Variants in ATP8A1 observed in about 807,000 individuals in gnomAD.
The protein encoded by ATP8A1 is phospholipid-transporting ATPase IA.
In ATP8A1, 90 loss-of-function variants were observed where a neutral mutation model predicts 177.7. The observed-to-expected ratio is 0.51, with a 90% CI of 0.43 to 0.60. ATP8A1 has a LOEUF of 0.60. ATP8A1 is among the 20% of genes least tolerant of loss of function. The pLI is 0.00. For missense variants in ATP8A1, 1,072 were observed against 1,392.8 expected (o/e 0.77, Z 3.67); for synonymous variants, 493 against 485.9 (o/e 1.01, Z -0.19).
intron 16 of ATP8A1, among the ~76,000 whole-genome samples, chr4:42,554,429 A>T (rs780578313): frequency 2.3e-4 from 35 of 152,222 alleles, no homozygotes; most frequent in Non-Finnish European, 3.5e-4. Flanking sequence ...AAAGCTGAGA[A>T]TCCAAGAGGG....
At chr4:42,462,872 C>T (rs758368123) in intron 27 of ATP8A1, among the ~76,000 whole-genome samples, 2 of 152,176 alleles carry the variant, frequency 1.3e-5, no homozygotes, top group South Asian at 2.1e-4. Flanking sequence ...GGATGTGAGA[C>T]GTGGAGTCAA....
Position 42,626,991 on chromosome 4 carries a change from T to C in ATP8A1, c.164+4A>G, listed in dbSNP as rs1439748823. The C allele has an allele frequency of 6.2e-7, 1 of 1,611,250 alleles. No individual in the cohort carries two copies. Among genetic ancestry groups the C allele is most frequent in the African/African-American group, 1.3e-5 (1 of 74,870 alleles). ...GTCTCATGGCATTCTTTGGTAGTTC[T>C]TACCTGACATGGTTATTGCAGAATT... On this transcript the variant is annotated splice_donor_region_variant and intron_variant, in intron 2 of 36. Transcript: ENST00000381668.
intron 1 of ATP8A1, among the ~76,000 whole-genome samples, chr4:42,648,244 A>C (rs1740738660): frequency 6.6e-6 from 1 of 152,162 alleles, no homozygotes; most frequent in South Asian, 2.1e-4. Context: ...AAAACCCAGA[A>C]AAACCTAGAG....
intron 25 of ATP8A1, among the ~76,000 whole-genome samples, chr4:42,481,077 T>G (rs1306329298): frequency 2.6e-5 from 4 of 152,170 alleles, no homozygotes; most frequent in Non-Finnish European, 5.9e-5. Context: ...GATGAGGACC[T>G]CAGAAACCAC....
intron 24 of ATP8A1, among the ~76,000 whole-genome samples, chr4:42,495,326 G>A (rs1723154696): frequency 6.6e-6 from 1 of 152,120 alleles, no homozygotes; most frequent in Admixed American, 6.5e-5. Flanking sequence ...AATAACATAT[G>A]GATAAACCAT....
At chr4:42,421,845 T>C (rs141904671) in intron 35 of ATP8A1, among the ~76,000 whole-genome samples, 1 of 152,184 alleles carries the variant, frequency 6.6e-6, no homozygotes, top group African/African-American at 2.4e-5. Flanking sequence ...ATCTTAATAA[T>C]TGTCTTTTAT....
intron 1 of ATP8A1, among the ~76,000 whole-genome samples, chr4:42,653,145 T>C (rs761322091): frequency 6.0e-4 from 91 of 152,354 alleles, no homozygotes; most frequent in Non-Finnish European, 1.1e-3. Context: ...GCATTTGCTC[T>C]GGCTGGAACA....
intron 5 of ATP8A1, among the ~76,000 whole-genome samples, chr4:42,613,566 AT>A (rs111595720): frequency 6.6e-6 from 1 of 151,268 alleles, no homozygotes; most frequent in Non-Finnish European, 1.5e-5. Context: ...TTAAACTTGT[AT>A]TTTTTTTTAT....
At chr4:42,415,352 T>C (rs1265013433) in intron 35 of ATP8A1, among the ~76,000 whole-genome samples, 4 of 152,192 alleles carry the variant, frequency 2.6e-5, no homozygotes, top group Non-Finnish European at 5.9e-5. Flanking sequence ...ACAAGGAAAG[T>C]ATTTTTCAGG....
chr4:42,613,447 G>A (rs891712003), intron 5 of ATP8A1, among the ~76,000 whole-genome samples: 9 of 152,030 alleles, frequency 5.9e-5, no homozygotes, highest in African/African-American at 1.7e-4. Context: ...TATAACCTAT[G>A]CATGTCCTTT....
chr4:42,505,488 T>C (rs988012832), intron 23 of ATP8A1, among the ~76,000 whole-genome samples: 10 of 152,246 alleles, frequency 6.6e-5, no homozygotes, highest in African/African-American at 1.9e-4. Flanking sequence ...AATTTCAATA[T>C]GTTCTGCATT....
At chr4:42,479,575 T>C (rs982595777) in intron 25 of ATP8A1, among the ~76,000 whole-genome samples, 23 of 152,144 alleles carry the variant, frequency 1.5e-4, no homozygotes, top group African/African-American at 5.6e-4. Context: ...ATTAGGCAGA[T>C]TTGTATTTCA....
chr4:42,590,994 A>C lies in ATP8A1; in HGVS notation c.451-110T>G, dbSNP rs1233065612. 4 of 954,792 alleles carry C rather than the reference A, an allele frequency of 4.2e-6. No homozygotes were observed. The East Asian group carries it at 1.0e-4, about 25-fold the overall frequency. The allele number at this position is 954,792 out of a possible 1,614,324, so 59.1% of individuals were successfully genotyped here. A position where few individuals can be genotyped will look rare whatever the true frequency, so the allele number is the denominator to read the frequency against. On this transcript the variant is annotated intron_variant, in intron 6 of 36. Coordinates refer to ENST00000381668, the MANE Select transcript of ATP8A1 (RefSeq NM_006095.2). ...CAGAAAGTTCGAAATTATTATAGAA[A>C]ATAATACATGTTAATAAAAACATCT...
Position 42,507,780 on chromosome 4 carries a change from T to TAAAAAAAAAAAAA in ATP8A1, c.1948-639_1948-627dup. Among the ~76,000 whole-genome samples, 17 of 17,700 alleles carry TAAAAAAAAAAAAA rather than the reference T, an allele frequency of 9.6e-4. 1 individual carries two copies. Among genetic ancestry groups the TAAAAAAAAAAAAA allele is most frequent in the East Asian group, 3.4e-3 (1 of 292 alleles). The allele number at this position is 17,700 out of a possible 152,430, so 11.6% of individuals were successfully genotyped here. ...AGTCAGTTAAAAAGGACAGGCATTCTAAAAAAAAAAAAAAAAAAAAAAAAA... is the reference window on the plus strand; with the variant it reads ...AGTCAGTTAAAAAGGACAGGCATTCTAAAAAAAAAAAAAAAAAAAAAAAAAAAAAAAAAAAAAA... On this transcript the variant is annotated intron_variant, in intron 22 of 36. Coordinates refer to ENST00000381668, the MANE Select transcript of ATP8A1 (RefSeq NM_006095.2).
At chr4:42,461,365 G>A (rs1719132357) in intron 27 of ATP8A1, among the ~76,000 whole-genome samples, 1 of 151,864 alleles carries the variant, frequency 6.6e-6, no homozygotes. Context: ...TGTTGTGGGA[G>A]GGACTGGTGG....
rs1385315289 is a variant in ATP8A1 at position 42,635,772 on chromosome 4, C to T, written c.50-8663G>A. ...ATATATATACACACACACACACACA[C>T]ACACACACACATATATATATATATA... On this transcript the variant is annotated intron_variant, in intron 1 of 36. Coordinates refer to ENST00000381668, the MANE Select transcript of ATP8A1 (RefSeq NM_006095.2). Among the ~76,000 whole-genome samples, 197 of 50,424 alleles carry T rather than the reference C, an allele frequency of 3.9e-3. 2 individuals carry two copies. The highest frequency in any genetic ancestry group is 0.014 in the African/African-American group (183 of 12,772). The allele number at this position is 50,424 out of a possible 152,430, so 33.1% of individuals were successfully genotyped here. A position where few individuals can be genotyped will look rare whatever the true frequency, so the allele number is the denominator to read the frequency against.
intron 20 of ATP8A1, among the ~76,000 whole-genome samples, chr4:42,533,792 AAAGCAGGTGCTGGTATCC>A (rs1727509726): frequency 6.6e-6 from 1 of 152,134 alleles, no homozygotes; most frequent in Non-Finnish European, 1.5e-5. Flanking sequence ...TACCTCCACC[AAAGCAGGTGCTGGTATCC>A]ACAGCTGAGA....
chr4:42,486,999 A>G (rs1302263975), intron 24 of ATP8A1, among the ~76,000 whole-genome samples: 1 of 152,238 alleles, frequency 6.6e-6, no homozygotes, highest in Admixed American at 6.5e-5. Context: ...AATAATTTAC[A>G]GGCATTCTTT....
intron 14 of ATP8A1, 31 bp from the exon 15 acceptor site, chr4:42,569,236 G>C (rs1577608863): frequency 1.3e-6 from 2 of 1,576,320 alleles, no homozygotes; most frequent in South Asian, 2.3e-5. Context: ...GGCAGAAAGA[G>C]AGGAAAAATA....
Sources: gnomAD v4.1 joint callset for allele counts (sites outside exome capture counted in the v4.1 genomes callset) on GRCh38, gnomAD v4.1.1 for gene constraint, MANE v1.5 for transcripts, NCBI Gene and HGNC (gene_info 2026-07-23, HGNC 2026-07-21) for gene names.